The following SMG1 variants were observed in gnomAD, a reference collection of about 807,000 sequenced individuals.
The protein encoded by SMG1 is serine/threonine-protein kinase SMG1.
In SMG1, 22 loss-of-function variants were observed where a neutral mutation model predicts 419.9. The ratio of observed to expected loss-of-function variants is 0.05; its 90% CI spans 0.04 to 0.07. The LOEUF (loss-of-function observed/expected upper bound fraction) is 0.07. SMG1 is among the 10% of genes least tolerant of loss of function. The pLI is 1.00. For synonymous variants in SMG1, 1,538 were observed against 1,553.5 expected (o/e 0.99, Z 0.23); for missense variants, 3,185 against 4,342.0 (o/e 0.73, Z 7.49).
At chr16:18,835,495 T>G (rs545455401) in intron 48 of SMG1, among the ~76,000 whole-genome samples, 56 of 152,198 alleles carry the variant, frequency 3.7e-4, no homozygotes, top group African/African-American at 1.3e-3. Context: ...ATAAAAATTG[T>G]TCAGGCGTGG....
intron 34 of SMG1, 46 bp from the exon 35 acceptor site, chr16:18,850,172 CACT>C: frequency 1.3e-6 from 2 of 1,593,564 alleles, no homozygotes; most frequent in South Asian, 2.3e-5. Context: ...TAACTCAGAA[CACT>C]ACTTTTGTTT....
Position 18,894,281 on chromosome 16 carries a change from T to TA in SMG1, c.412+1770dup, listed in dbSNP as rs200264113. Among the ~76,000 whole-genome samples the TA allele has an allele frequency of 1.1e-4, 17 of 150,336 alleles. No homozygotes were observed. The East Asian group carries it at 1.8e-3, about 15-fold the overall frequency. On this transcript the variant is annotated intron_variant, in intron 3 of 62. Coordinates refer to ENST00000446231, the MANE Select transcript of SMG1 (RefSeq NM_015092.5). ...GCACTGGTATCCTGAACTTAAAAGT[T>TA]AAAAAAAAAGAAACTACAATGTCTG...
At chr16:18,914,776 A>G (rs2141986753) in intron 1 of SMG1, among the ~76,000 whole-genome samples, 1 of 152,284 alleles carries the variant, frequency 6.6e-6, no homozygotes, top group South Asian at 2.1e-4. Context: ...TTCTAATGGG[A>G]TGCCAGAAGG....
In SMG1 at chr16:18,850,243, A is replaced by T; in HGVS notation, c.5277T>A (p.Ala1759=). Residue 1759 remains alanine (A), a synonymous_variant, in exon 34 of 63, where the codon GCT becomes GCA. Coordinates refer to ENST00000446231, the MANE Select transcript of SMG1 (RefSeq NM_015092.5). ...SAYFTFLKLN[A]GQIPLDEDDP... is the part of the protein sequence containing the mutation. ...AGAACACTGTGCTACATACTTGACC[A>T]GCGTTGAGTTTAAGGAAAGTAAAGT... 1 of 1,608,198 alleles carries T rather than the reference A, an allele frequency of 6.2e-7. No individual in the cohort carries two copies. Among genetic ancestry groups the T allele is most frequent in the Non-Finnish European group, 8.5e-7 (1 of 1,176,358 alleles).
chr16:18,868,569 T>C lies in SMG1; in HGVS notation c.2984A>G (p.Tyr995Cys). The change falls in exon 21 of 63, where the codon TAT becomes TGT. Residue 995 changes from tyrosine to cysteine, a missense_variant. Physicochemically the swap from Tyr to Cys is radical, Grantham distance 194. Coordinates refer to ENST00000446231, the MANE Select transcript of SMG1 (RefSeq NM_015092.5). ...ATTAGCACATCCCTCGTATGCATTA[T>C]ACATTAATTTCTCCAGATTTTCCAG... is the stretch of plus-strand genomic sequence containing the variant. ...QYLENLEKLMYNAYEGCANAL... is the reference protein window; with the variant it reads ...QYLENLEKLMCNAYEGCANAL... The C allele has an allele frequency of 1.9e-6, 3 of 1,596,414 alleles. No homozygotes were observed. Among genetic ancestry groups the C allele is most frequent in the Non-Finnish European group, 2.5e-6 (3 of 1,178,760 alleles).
At chr16:18,915,710 T>C (rs1401003418) in intron 1 of SMG1, among the ~76,000 whole-genome samples, 1 of 152,116 alleles carries the variant, frequency 6.6e-6, no homozygotes, top group African/African-American at 2.4e-5. Context: ...AGTCACTGCA[T>C]ATCTGTACCT....
chr16:18,918,854 T>C (rs1329454548), intron 1 of SMG1, among the ~76,000 whole-genome samples: 2 of 151,646 alleles, frequency 1.3e-5, no homozygotes, highest in African/African-American at 4.9e-5. Flanking sequence ...CTGTCAATCA[T>C]GCCACTGCAC....
intron 1 of SMG1, among the ~76,000 whole-genome samples, chr16:18,909,894 T>G (rs1274654567): frequency 1.3e-5 from 2 of 152,120 alleles, no homozygotes; most frequent in African/African-American, 4.8e-5. Flanking sequence ...AAACCCACAG[T>G]CTACACAAAC....
intron 6 of SMG1, among the ~76,000 whole-genome samples, chr16:18,886,298 T>C (rs890786750): frequency 6.6e-6 from 1 of 152,218 alleles, no homozygotes; most frequent in African/African-American, 2.4e-5. Context: ...AAGATCAGTA[T>C]GGGACCACAC....
At chr16:18,846,389 C>A (rs568495917) in intron 38 of SMG1, among the ~76,000 whole-genome samples, 1 of 152,212 alleles carries the variant, frequency 6.6e-6, no homozygotes, top group South Asian at 2.1e-4. Flanking sequence ...AAAATTAAAA[C>A]TTTTGTAAAT....
At chr16:18,838,735 A>C (rs371936547) in intron 42 of SMG1, 46 bp from the exon 43 acceptor site, 59 of 1,291,156 alleles carry the variant, frequency 4.6e-5, no homozygotes, top group Non-Finnish European at 6.2e-5. Flanking sequence ...CCATTAAGAA[A>C]TTTCCCTCCA....
At position 18,853,585 on chromosome 16, in the gene SMG1, G is replaced by A. The variant is rs954415578; in HGVS notation, c.4766C>T (p.Thr1589Ile). 4 of 1,586,114 alleles carry A rather than the reference G, an allele frequency of 2.5e-6. No homozygotes were observed. The highest frequency in any genetic ancestry group is 2.7e-5 in the African/African-American group (2 of 74,356). ...TAAAGCTAATAAAGCAACTCTACCT[G>A]TAGATTCACTCTCGATCCGAGGATA... ...EEYPRIESES[T>I]VHIGVGEPDF... The change falls in exon 31 of 63, where the codon ACA (threonine) becomes ATA (isoleucine). Residue 1589 changes from threonine to isoleucine, a missense_variant and splice_region_variant. By Grantham distance (89) the Thr-to-Ile change is moderately conservative. Around this residue, in one of 27 missense-constraint regions of SMG1, gnomAD observed 493 missense variants for 552.9 expected, o/e 0.89. Coordinates refer to ENST00000446231, the MANE Select transcript of SMG1 (RefSeq NM_015092.5).
At chr16:18,886,183 CTT>C (rs1322335398) in intron 6 of SMG1, among the ~76,000 whole-genome samples, 1 of 151,730 alleles carries the variant, frequency 6.6e-6, no homozygotes, top group Non-Finnish European at 1.5e-5. Flanking sequence ...ATTTGGGAAA[CTT>C]TTCTATAAAG....
intron 57 of SMG1, 113 bp from the exon 58 acceptor site, chr16:18,816,642 C>G (rs2032028867): frequency 2.5e-6 from 2 of 788,670 alleles, no homozygotes; most frequent in Admixed American, 2.9e-5. Flanking sequence ...AAGAGAACCT[C>G]CATTGCTAAG....
chr16:18,870,058 A>G, intron 18 of SMG1, 64 bp from the exon 19 acceptor site: 1 of 1,069,042 alleles, frequency 9.4e-7, no homozygotes, highest in South Asian at 1.5e-5. Flanking sequence ...CACATACTGT[A>G]AGTGGATTAT....
intron 11 of SMG1, chr16:18,879,252 A>G: frequency 4.1e-6 from 2 of 489,070 alleles, no homozygotes; most frequent in Non-Finnish European, 7.5e-6. Context: ...AGTAGCTAGG[A>G]CTACAGGTGC....
rs769281506 is a variant in SMG1 at position 18,866,711 on chromosome 16, T to G, written c.3260A>C (p.Glu1087Ala). 12 of 1,596,176 alleles carry G rather than the reference T, an allele frequency of 7.5e-6. No homozygotes were observed. In the East Asian group the frequency reaches 2.2e-4, roughly 30 times the overall value. ...VEALCELHCP[E>A]AIQGIAVWSS... Reference sequence around the variant, plus strand: ...CCAGACAGCAATTCCCTGTATAGCTTCAGGACAATGAAGTTCACATAATGC... The same window carrying G: ...CCAGACAGCAATTCCCTGTATAGCTGCAGGACAATGAAGTTCACATAATGC... The change falls in exon 23 of 63, where the codon GAA (glutamate) becomes GCA (alanine). Residue 1087 changes from glutamate to alanine, a missense_variant. Glu to Ala is a moderately radical substitution (Grantham distance 107). Transcript: ENST00000446231.
chr16:18,895,840 C>A (rs2037100693), intron 3 of SMG1, among the ~76,000 whole-genome samples: 1 of 152,190 alleles, frequency 6.6e-6, no homozygotes, highest in Non-Finnish European at 1.5e-5. Context: ...TCTGTAAGAT[C>A]TTATCCAGTC....
intron 1 of SMG1, among the ~76,000 whole-genome samples, chr16:18,917,639 G>A (rs918712962): frequency 1.2e-4 from 18 of 150,470 alleles, no homozygotes; most frequent in African/African-American, 3.9e-4. Context: ...GTGCAACGGC[G>A]CAATTTCAGT....
Sources: allele counts gnomAD v4.1 joint callset (sites outside exome capture counted in the v4.1 genomes callset), GRCh38; gene constraint gnomAD v4.1.1; regional missense constraint gnomAD v4.1.1; transcripts MANE v1.5; gene names NCBI Gene and HGNC (gene_info 2026-07-23, HGNC 2026-07-21).